ADCY10: variants seen among roughly 807,000 people sequenced by gnomAD.
ADCY10 encodes the protein adenylate cyclase type 10.
ADCY10 carries 156 observed loss-of-function variants against 183.3 expected under a neutral mutation model. The ratio of observed to expected loss-of-function variants is 0.85; its 90% confidence interval spans 0.75 to 0.97. ADCY10 has a LOEUF of 0.97. ADCY10 is among the 50% of genes least tolerant of loss of function. The pLI, the probability that ADCY10 is intolerant of heterozygous loss-of-function variation, is 0.00. For synonymous variants in ADCY10, 645 were observed against 670.0 expected, an observed-to-expected ratio of 0.96 and a Z score of 0.58; for missense variants, 1,745 against 1,934.3, an observed-to-expected ratio of 0.90 and a Z score of 1.84.
Position 167,870,386 on chromosome 1 carries a change from A to G in ADCY10, c.1487T>C (p.Phe496Ser). 6.2e-7 allele frequency: 1 copy of G among 1,611,452 alleles called. No individual in the cohort carries two copies. Among genetic ancestry groups the G allele is most frequent in the Non-Finnish European group, 8.5e-7 (1 of 1,177,716 alleles). ...LLGRNKEINY[F>S]MYTMKKFLIS... ...CAAAAATTTCTTCATAGTATACATG[A>G]AGTAGTTGATCTCTTTATTACGTCC... Residue 496 changes from phenylalanine to serine, a missense_variant, in exon 14 of 33, where the codon TTC becomes TCC. Transcript: ENST00000367851.
chr1:167,870,942 T>G (rs1035934152), intron 13 of ADCY10, among the ~76,000 whole-genome samples: 1 of 152,206 alleles, frequency 6.6e-6, no homozygotes, highest in Non-Finnish European at 1.5e-5. Context: ...TTCATTTGAT[T>G]AGAAGCTGTG....
At chr1:167,836,755 G>A (rs766144872) in intron 22 of ADCY10, among the ~76,000 whole-genome samples, 3 of 152,208 alleles carry the variant, frequency 2.0e-5, no homozygotes, top group Non-Finnish European at 4.4e-5. Context: ...GCCGGGTGCG[G>A]TGGCTCATGC....
chr1:167,863,580 G>A (rs993111249), intron 14 of ADCY10, among the ~76,000 whole-genome samples: 1 of 152,110 alleles, frequency 6.6e-6, no homozygotes, highest in Non-Finnish European at 1.5e-5. Flanking sequence ...ACATTTCTTG[G>A]TTCCCTGACC....
chr1:167,843,395 C>G (rs1664792972), intron 21 of ADCY10, among the ~76,000 whole-genome samples: 1 of 152,070 alleles, frequency 6.6e-6, no homozygotes, highest in Non-Finnish European at 1.5e-5. Context: ...TGACCCCGCA[C>G]AGTCAAATAT....
intron 21 of ADCY10, among the ~76,000 whole-genome samples, chr1:167,843,464 T>C (rs1292104159): frequency 8.6e-5 from 13 of 152,042 alleles, no homozygotes; most frequent in Non-Finnish European, 1.0e-4. Context: ...GATACTTTCA[T>C]TGGTTCTTTG....
At chr1:167,827,470 GATTTA>G (rs1663392638) in intron 26 of ADCY10, among the ~76,000 whole-genome samples, 2 of 150,480 alleles carry the variant, frequency 1.3e-5, no homozygotes. Context: ...CCGGCCTGCT[GATTTA>G]ATGTACTTTT....
At chr1:167,854,254 G>GA in intron 18 of ADCY10, 99 bp downstream of exon 18, 1 of 1,446,392 alleles carries the variant, frequency 6.9e-7, no homozygotes, top group Non-Finnish European at 9.7e-7. Flanking sequence ...GACTCTACAG[G>GA]AAGCAGCCTG....
chr1:167,866,990 G>A (rs747934717), intron 14 of ADCY10, among the ~76,000 whole-genome samples: 7 of 152,150 alleles, frequency 4.6e-5, no homozygotes, highest in Non-Finnish European at 1.0e-4. Flanking sequence ...ATGCTGTGGT[G>A]ACTTTAATCA....
chr1:167,856,329 AATG>A lies in ADCY10; in HGVS notation c.2004_2006del (p.Ile669del), dbSNP rs747461881. On this transcript the variant is annotated inframe_deletion, in exon 17 of 33. Transcript: ENST00000367851. ...TGTTAACGAAGGGACACAGGGACAT[AATG>A]ATGAAGATAGGAAGAGTCCGGATAA... The A allele has an allele frequency of 4.3e-6, 7 of 1,614,090 alleles. No individual in the cohort carries two copies. The highest frequency in any genetic ancestry group is 5.9e-6 in the Non-Finnish European group (7 of 1,179,960).
intron 1 of ADCY10, among the ~76,000 whole-genome samples, chr1:167,913,052 G>A (rs1232400385): frequency 2.6e-5 from 4 of 152,156 alleles, no homozygotes; most frequent in African/African-American, 9.7e-5. Flanking sequence ...TAATTTAAGA[G>A]CACTTTCAAT....
rs370505941 is a variant in ADCY10, at chr1:167,883,447, A to T, written c.1010T>A (p.Met337Lys). 3.7e-6 allele frequency: 6 copies of T among 1,614,096 alleles called. No homozygotes were observed. The highest frequency in any genetic ancestry group is 5.1e-6 in the Non-Finnish European group (6 of 1,180,044). ...IFQGQINKVF[M>K]FDKGCSFLCV... ...ATAGTTCACACTTACCTTGTCAAAC[A>T]TGAAGACTTTATTGATTTGGCCTTG... The change falls in exon 9 of 33, where the codon ATG becomes AAG. Residue 337 changes from methionine (M) to lysine (K), a missense_variant. Coordinates refer to ENST00000367851, the MANE Select transcript of ADCY10 (RefSeq NM_018417.6).
intron 8 of ADCY10, among the ~76,000 whole-genome samples, chr1:167,892,552 C>T (rs1173743691): frequency 1.3e-5 from 2 of 152,088 alleles, no homozygotes; most frequent in African/African-American, 4.8e-5. Flanking sequence ...CAACTGGTTG[C>T]AATTAAAGAA....
rs1237979159 is a variant in ADCY10 at position 167,856,535 on chromosome 1, GT to G, written c.1897-97del. On this transcript the variant is annotated intron_variant, in intron 16 of 32. Transcript: ENST00000367851. ...GCATATGTATCCATTGAGCTTCCTG[GT>G]TTGCTTATGATGCAGCGAAAGAACT... The G allele has an allele frequency of 2.3e-5, 29 of 1,276,342 alleles. No homozygotes were observed. In the Admixed American group the frequency reaches 3.0e-4, roughly 13 times the overall value. 79.1% of individuals were successfully genotyped at this position (1,276,342 alleles called of 1,614,324 possible). A position where few individuals can be genotyped will look rare whatever the true frequency, so the allele number is the denominator to read the frequency against.
In ADCY10 at chr1:167,819,971, G is replaced by C. The variant is rs1662784951; in HGVS notation, c.4287-1704C>G. On this transcript the variant is annotated intron_variant, in intron 30 of 32. Coordinates refer to ENST00000367851, the MANE Select transcript of ADCY10 (RefSeq NM_018417.6). Reference sequence around the variant, plus strand: ...TTCATCTGTGCTGTATTCTTCCATTGTTTTGCCACTAACAAAGTGGATGAC... The same window carrying C: ...TTCATCTGTGCTGTATTCTTCCATTCTTTTGCCACTAACAAAGTGGATGAC... 13 of 1,379,430 alleles carry C rather than the reference G, an allele frequency of 9.4e-6. No individual in the cohort carries two copies. In the South Asian group the frequency reaches 1.5e-4, roughly 16 times the overall value. The allele number at this position is 1,379,430 out of a possible 1,614,324, so 85.4% of individuals were successfully genotyped here. A position where few individuals can be genotyped will look rare whatever the true frequency, so the allele number is the denominator to read the frequency against.
chr1:167,876,023 G>A (rs564507993), intron 12 of ADCY10, among the ~76,000 whole-genome samples: 56 of 152,222 alleles, frequency 3.7e-4, no homozygotes, highest in African/African-American at 1.2e-3. Flanking sequence ...TTGGGAGGCC[G>A]AGGCAGGTGG....
intron 5 of ADCY10, among the ~76,000 whole-genome samples, chr1:167,900,189 A>G (rs74999303): frequency 6.6e-6 from 1 of 152,254 alleles, no homozygotes; most frequent in Non-Finnish European, 1.5e-5. Flanking sequence ...CACAAAATAT[A>G]TGTATAAATG....
rs560719930 is a variant in ADCY10, at chr1:167,832,892, C to T, written c.3593+95G>A. 30 of 1,373,756 alleles carry T rather than the reference C, an allele frequency of 2.2e-5. No homozygotes were observed. The African/African-American group carries it at 3.9e-4, about 18-fold the overall frequency. 85.1% of individuals were successfully genotyped at this position (1,373,756 alleles called of 1,614,324 possible). On this transcript the variant is annotated intron_variant, in intron 25 of 32. Transcript: ENST00000367851. ...AGCCAAACAGGAGTCCTTGTGCCCCCTGGAGGCCAGGCTTTGGGGGCTGAC... is the reference window on the plus strand; with the variant it reads ...AGCCAAACAGGAGTCCTTGTGCCCCTTGGAGGCCAGGCTTTGGGGGCTGAC...
intron 19 of ADCY10, among the ~76,000 whole-genome samples, chr1:167,847,855 C>T (rs1375684350): frequency 6.6e-6 from 1 of 152,168 alleles, no homozygotes; most frequent in Non-Finnish European, 1.5e-5. Context: ...ATATTTCATT[C>T]TTTTATGCAG....
At chr1:167,854,133 C>T (rs550098528) in intron 18 of ADCY10, among the ~76,000 whole-genome samples, 2 of 152,120 alleles carry the variant, frequency 1.3e-5, no homozygotes, top group African/African-American at 2.4e-5. Flanking sequence ...CCACCGCGCC[C>T]GGCCATAGTT....
Sources: gnomAD v4.1 joint callset for allele counts (sites outside exome capture counted in the v4.1 genomes callset) on GRCh38, gnomAD v4.1.1 for gene constraint, MANE v1.5 for transcripts, NCBI Gene and HGNC (gene_info 2026-07-23, HGNC 2026-07-21) for gene names.